The following ETV7 variants were observed in gnomAD, a reference collection of about 807,000 sequenced individuals.
ETV7 encodes ETS variant transcription factor 7, also known as transcription factor ETV7.
Under a neutral mutation model 39.1 loss-of-function variants are expected in ETV7, and 43 were observed. The ratio of observed to expected loss-of-function variants is 1.10; its 90% CI spans 0.86 to 1.42. The LOEUF is 1.42. ETV7 is among the 40% of genes most tolerant of loss of function. The pLI is 0.00. For missense variants in ETV7, 432 were observed against 442.3 expected, an observed-to-expected ratio of 0.98 and a Z score of 0.21; for synonymous variants, 196 against 176.6, an observed-to-expected ratio of 1.11 and a Z score of -0.87.
downstream of ETV7, among the ~76,000 whole-genome samples, chr6:36,364,269 T>C (rs7770494): frequency 0.79 from 120,783 of 152,228 alleles, 48,665 homozygotes; most frequent in African/African-American, 0.95. Context: ...GACTGGGCGC[T>C]GTGGAGCAGG....
chr6:36,380,850 C>T (rs1773615663), intron 2 of ETV7, among the ~76,000 whole-genome samples: 1 of 152,176 alleles, frequency 6.6e-6, no homozygotes, highest in African/African-American at 2.4e-5. Flanking sequence ...GCCTCCTTGC[C>T]TGCCCCTTCT....
At position 36,381,402 on chromosome 6, in the gene ETV7, A is replaced by G. The variant is rs939501389; in HGVS notation, c.142+4132T>C. On this transcript the variant is annotated intron_variant, in intron 2 of 7. Coordinates refer to ENST00000340181, the MANE Select transcript of ETV7 (RefSeq NM_016135.4). ...GAGATAACAAAAAAAGCTACTTTCCATGCCTACTGAATATATTCAATCAGA... is the reference window on the plus strand; with the variant it reads ...GAGATAACAAAAAAAGCTACTTTCCGTGCCTACTGAATATATTCAATCAGA... Among the ~76,000 whole-genome samples, 29 of 152,294 alleles carry G rather than the reference A, an allele frequency of 1.9e-4. 1 individual carries two copies. Among genetic ancestry groups the G allele is most frequent in the African/African-American group, 6.5e-4 (27 of 41,564 alleles).
chr6:36,375,251 C>G (rs1052591030), intron 3 of ETV7, among the ~76,000 whole-genome samples: 5 of 152,066 alleles, frequency 3.3e-5, no homozygotes, highest in African/African-American at 1.2e-4. Flanking sequence ...ACCAAATCAG[C>G]ACAAACAAAA....
In ETV7 at chr6:36,366,363, G is replaced by A. The variant is rs1772715688; in HGVS notation, c.*282C>T. 2 of 1,247,244 alleles carry A rather than the reference G, an allele frequency of 1.6e-6. No homozygotes were observed. Among genetic ancestry groups the A allele is most frequent in the Admixed American group, 3.5e-5 (1 of 28,422 alleles). The allele number at this position is 1,247,244 out of a possible 1,614,324, so 77.3% of individuals were successfully genotyped here. Reference sequence around the variant, plus strand: ...ATTCCATTTACAGGGGTGGGGCTGGGTGCTCTATCGGTGCCTGGCTTCCTC... The same window carrying A: ...ATTCCATTTACAGGGGTGGGGCTGGATGCTCTATCGGTGCCTGGCTTCCTC... On this transcript the variant is annotated 3_prime_UTR_variant, in exon 8 of 8. Coordinates refer to ENST00000340181, the MANE Select transcript of ETV7 (RefSeq NM_016135.4).
At position 36,368,953 on chromosome 6, in the gene ETV7, G is replaced by A. The variant is rs143143189; in HGVS notation, c.783C>T (p.Leu261=). The A allele has an allele frequency of 1.3e-4, 210 of 1,614,008 alleles. No homozygotes were observed. The highest frequency in any genetic ancestry group is 2.9e-4 in the East Asian group (13 of 44,894). Residue 261 remains leucine, a synonymous_variant, in exon 6 of 8, where the codon CTC becomes CTT. Coordinates refer to ENST00000340181, the MANE Select transcript of ETV7 (RefSeq NM_016135.4). ...KIFRVVDPNG[L]ARLWGNHKNR... ...CCTTGTGATTTCCCCAGAGTCTGGC[G>A]AGCCCATTTGGATCCACAACTCGGA...
At chr6:36,369,247 A>G (rs1000052162) in intron 5 of ETV7, among the ~76,000 whole-genome samples, 176 bp from the exon 6 acceptor site, 1 of 152,200 alleles carries the variant, frequency 6.6e-6, no homozygotes, top group African/African-American at 2.4e-5. Flanking sequence ...GCATTGTCTC[A>G]GGCAGTCTTC....
rs1342379702 is a variant in ETV7, at chr6:36,385,573, G to T, written c.103C>A (p.Leu35Met). 1 of 1,614,102 alleles carries T rather than the reference G, an allele frequency of 6.2e-7. No individual in the cohort carries two copies. Among genetic ancestry groups the T allele is most frequent in the East Asian group, 2.2e-5 (1 of 44,904 alleles). Reference protein sequence around the residue: ...QARCEAQINLLGEGGICKLPG... With the variant: ...QARCEAQINLMGEGGICKLPG... ...AGCTTGCAGATCCCCCCTTCACCCAGCAGGTTAATTTGAGCTTCACATCTG... is the reference window on the plus strand; with the variant it reads ...AGCTTGCAGATCCCCCCTTCACCCATCAGGTTAATTTGAGCTTCACATCTG... The change falls in exon 2 of 8, where the codon CTG becomes ATG. Residue 35 changes from leucine (L) to methionine (M), a missense_variant. Leu to Met is a conservative substitution (Grantham distance 15, BLOSUM62 2). Transcript: ENST00000340181.
chr6:36,371,254 C>T (rs983829634), intron 5 of ETV7, 76 bp downstream of exon 5: 4 of 1,387,372 alleles, frequency 2.9e-6, no homozygotes, highest in Non-Finnish European at 4.0e-6. Context: ...CAAAATAGCC[C>T]TGTCCTCATC....
chr6:36,359,985 C>G (rs1358839443), intron 7 of ETV7, among the ~76,000 whole-genome samples: 1 of 152,128 alleles, frequency 6.6e-6, no homozygotes, highest in Non-Finnish European at 1.5e-5. Context: ...CTCCACCTCC[C>G]GGGTTCAAGT....
chr6:36,366,501 C>G lies in ETV7; in HGVS notation c.*144G>C. The G allele has an allele frequency of 6.6e-7, 1 of 1,521,960 alleles. No individual in the cohort carries two copies. The highest frequency in any genetic ancestry group is 8.8e-7 in the Non-Finnish European group (1 of 1,140,130). 94.3% of individuals were successfully genotyped at this position (1,521,960 alleles called of 1,614,324 possible). On this transcript the variant is annotated 3_prime_UTR_variant, in exon 8 of 8. Coordinates refer to ENST00000340181, the MANE Select transcript of ETV7 (RefSeq NM_016135.4). ...CCAGTGTCCTGGATGGGAGGCCTCC[C>G]AGCCTTCCCAAGCAATGGCTGTAAT...
At chr6:36,380,354 C>T (rs985321217) in intron 2 of ETV7, among the ~76,000 whole-genome samples, 6 of 152,220 alleles carry the variant, frequency 3.9e-5, no homozygotes, top group Non-Finnish European at 7.3e-5. Context: ...CATTAACCAT[C>T]TTTGTCTCTC....
At position 36,387,647 on chromosome 6, in the gene ETV7, C is replaced by G; in HGVS notation, c.-106G>C. On this transcript the variant is annotated 5_prime_UTR_variant, in exon 1 of 8. Coordinates refer to ENST00000340181, the MANE Select transcript of ETV7 (RefSeq NM_016135.4). The stretch of plus-strand genomic sequence containing the variant: ...CCCCGCAGTCCTCCTCCGCCAAACC[C>G]CTAACCTGGCTCCGAGAACTGGAAG... 2 of 1,289,660 alleles carry G rather than the reference C, an allele frequency of 1.6e-6. No homozygotes were observed. Among genetic ancestry groups the G allele is most frequent in the East Asian group, 2.4e-5 (1 of 41,650 alleles). The allele number at this position is 1,289,660 out of a possible 1,614,324, so 79.9% of individuals were successfully genotyped here. A position where few individuals can be genotyped will look rare whatever the true frequency, so the allele number is the denominator to read the frequency against.
At chr6:36,384,378 G>T (rs1773794615) in intron 2 of ETV7, among the ~76,000 whole-genome samples, 1 of 152,180 alleles carries the variant, frequency 6.6e-6, no homozygotes, top group Non-Finnish European at 1.5e-5. Flanking sequence ...TCTCAGAAGG[G>T]CCCACAGAAG....
chr6:36,384,243 G>T (rs59511929), intron 2 of ETV7, among the ~76,000 whole-genome samples: 1 of 152,208 alleles, frequency 6.6e-6, no homozygotes, highest in Admixed American at 6.5e-5. Flanking sequence ...TAGCTCAGGA[G>T]TTCTAATCTA....
intron 7 of ETV7, among the ~76,000 whole-genome samples, chr6:36,355,886 T>A (rs1582154803): frequency 6.6e-6 from 1 of 152,182 alleles, no homozygotes; most frequent in Non-Finnish European, 1.5e-5. Flanking sequence ...CTCTGATTCA[T>A]CCCAGAACAA....
At chr6:36,387,390 G>A (rs980449888) in intron 1 of ETV7, 146 bp downstream of exon 1, 2 of 1,180,110 alleles carry the variant, frequency 1.7e-6, no homozygotes, top group Non-Finnish European at 2.5e-6. Flanking sequence ...AGGGATGGAT[G>A]TGAGGTTTAG....
In ETV7 at chr6:36,373,819, G is replaced by A. The variant is rs76915164; in HGVS notation, c.308-241C>T. Among the ~76,000 whole-genome samples the A allele has an allele frequency of 6.0e-3, 908 of 152,340 alleles. 7 individuals are homozygous for A. The highest frequency in any genetic ancestry group is 0.012 in the East Asian group (62 of 5,190). ...ACATCCTTTCCTGCCGGTACACGCAGCCGCCTCCAGGGCATGCAGCTTGCA... is the reference window on the plus strand; with the variant it reads ...ACATCCTTTCCTGCCGGTACACGCAACCGCCTCCAGGGCATGCAGCTTGCA... On this transcript the variant is annotated intron_variant, in intron 3 of 7. Transcript: ENST00000340181.
chr6:36,365,053 G>A (rs1184708200), downstream of ETV7, among the ~76,000 whole-genome samples: 1 of 152,198 alleles, frequency 6.6e-6, no homozygotes, highest in East Asian at 1.9e-4. Flanking sequence ...AGTGACTCAA[G>A]GCCAGTGCAG....
intron 2 of ETV7, among the ~76,000 whole-genome samples, chr6:36,380,886 C>T (rs1395340929): frequency 6.6e-6 from 1 of 152,140 alleles, no homozygotes; most frequent in Non-Finnish European, 1.5e-5. Flanking sequence ...CACCCCGACC[C>T]CGACTGGACC....
Sources: allele counts gnomAD v4.1 joint callset (sites outside exome capture counted in the v4.1 genomes callset), GRCh38; gene constraint gnomAD v4.1.1; transcripts MANE v1.5; gene names NCBI Gene and HGNC (gene_info 2026-07-23, HGNC 2026-07-21).